The following SCAMP5 variants were observed in gnomAD, a reference collection of about 807,000 sequenced individuals.
SCAMP5 encodes the protein secretory carrier-associated membrane protein 5.
Under a neutral mutation model 28.3 loss-of-function variants are expected in SCAMP5, and 7 were observed. That is an observed-to-expected ratio of 0.25 (90% CI 0.14 to 0.46). The LOEUF is 0.46. Ranked by LOEUF, SCAMP5 falls within the 20% of genes least tolerant of loss-of-function variation. SCAMP5 has a pLI of 0.99. For missense variants in SCAMP5, 192 were observed against 312.5 expected, an observed-to-expected ratio of 0.61 and a Z score of 2.91; for synonymous variants, 117 against 116.4, an observed-to-expected ratio of 1.00 and a Z score of -0.03.
intron 1 of SCAMP5, among the ~76,000 whole-genome samples, chr15:74,998,884 A>G (rs1369356148): frequency 6.6e-6 from 1 of 152,134 alleles, no homozygotes; most frequent in African/African-American, 2.4e-5. Flanking sequence ...CTGTAAGCAG[A>G]CTTTTGGGAG....
At chr15:75,002,394 A>T (rs1171323335) in intron 1 of SCAMP5, among the ~76,000 whole-genome samples, 1 of 151,914 alleles carries the variant, frequency 6.6e-6, no homozygotes, top group African/African-American at 2.4e-5. Context: ...ATTTCCACCT[A>T]AAATGACCCC....
intron 3 of SCAMP5, among the ~76,000 whole-genome samples, chr15:75,014,127 A>G (rs2065839024): frequency 6.6e-6 from 1 of 152,208 alleles, no homozygotes; most frequent in Admixed American, 6.5e-5. Context: ...GCCCTGAGTG[A>G]GGCCTGCACT....
At chr15:75,001,785 G>A (rs936978545) in intron 1 of SCAMP5, among the ~76,000 whole-genome samples, 1 of 147,388 alleles carries the variant, frequency 6.8e-6, no homozygotes, top group African/African-American at 2.5e-5. Flanking sequence ...CAGGAGAATC[G>A]CTTGAACCCA....
intron 3 of SCAMP5, among the ~76,000 whole-genome samples, chr15:75,014,788 G>A (rs1408112625): frequency 6.6e-6 from 1 of 152,204 alleles, no homozygotes; most frequent in Non-Finnish European, 1.5e-5. Flanking sequence ...AATAATTGCA[G>A]CAGAGGTGTT....
At chr15:75,001,899 G>C (rs1052714149) in intron 1 of SCAMP5, among the ~76,000 whole-genome samples, 1 of 75,702 alleles carries the variant, frequency 1.3e-5, no homozygotes, top group South Asian at 3.8e-4. Flanking sequence ...AAAAAAAAAA[G>C]AGACTAACCT....
Position 75,011,784 on chromosome 15 carries a change from C to T in SCAMP5, c.-48-8C>T. On this transcript the variant is annotated splice_polypyrimidine_tract_variant and splice_region_variant and intron_variant, in intron 1 of 6. Coordinates refer to ENST00000425597, the MANE Select transcript of SCAMP5 (RefSeq NM_138967.4). ...TCTCATCCTTCTCTGGCTTTTCTTT[C>T]CTTGCAGTTCAGGACAAAGAGGTGT... 10 of 1,563,804 alleles carry T rather than the reference C, an allele frequency of 6.4e-6. No individual in the cohort carries two copies. Among genetic ancestry groups the T allele is most frequent in the South Asian group, 2.2e-5 (2 of 89,418 alleles).
chr15:75,005,039 G>A (rs777057319), intron 1 of SCAMP5, among the ~76,000 whole-genome samples: 2 of 152,050 alleles, frequency 1.3e-5, no homozygotes, highest in Non-Finnish European at 2.9e-5. Context: ...GCTGGGTGTG[G>A]TGGCGTGCGC....
chr15:75,003,827 A>G (rs1190145703), intron 1 of SCAMP5, among the ~76,000 whole-genome samples: 1 of 152,106 alleles, frequency 6.6e-6, no homozygotes, highest in African/African-American at 2.4e-5. Context: ...TAAATAAATA[A>G]AATAATGCAG....
intron 3 of SCAMP5, among the ~76,000 whole-genome samples, chr15:75,015,345 T>G (rs541339425): frequency 6.6e-6 from 1 of 152,080 alleles, no homozygotes; most frequent in East Asian, 1.9e-4. Context: ...CAGACCCGCA[T>G]GTGTGTTAGT....
rs1427899658 is a variant in SCAMP5 at position 74,995,630 on chromosome 15, C to G, written c.-92C>G. ...CGCATCGCTCGGGTGCAGCGCAGCT[C>G]AGCGCAGCGCTGCGGCCTTTCGGCA... On this transcript the variant is annotated 5_prime_UTR_variant, in exon 1 of 7. Coordinates refer to ENST00000425597, the MANE Select transcript of SCAMP5 (RefSeq NM_138967.4). 2.0e-5 allele frequency: 3 copies of G among 147,860 alleles called. No homozygotes were observed. Among genetic ancestry groups the G allele is most frequent in the Admixed American group, 6.7e-5 (1 of 14,874 alleles). 9.2% of individuals were successfully genotyped at this position (147,860 alleles called of 1,614,324 possible).
chr15:75,016,309 C>T (rs4886414), intron 3 of SCAMP5, among the ~76,000 whole-genome samples: 80,025 of 151,944 alleles, frequency 0.53, 25,908 homozygotes, highest in Non-Finnish European at 0.74. Flanking sequence ...GGGGTTGGTT[C>T]GAGCTCCCAG....
At chr15:74,998,907 C>G (rs2065677114) in intron 1 of SCAMP5, among the ~76,000 whole-genome samples, 1 of 152,146 alleles carries the variant, frequency 6.6e-6, no homozygotes, top group African/African-American at 2.4e-5. Flanking sequence ...TGTCTGGGAC[C>G]AGGGACAGGG....
At chr15:75,008,950 G>T (rs2065786418) in intron 1 of SCAMP5, among the ~76,000 whole-genome samples, 1 of 152,166 alleles carries the variant, frequency 6.6e-6, no homozygotes, top group Non-Finnish European at 1.5e-5. Flanking sequence ...CTGGGTAAAT[G>T]ACTAACAGGA....
At chr15:74,998,221 G>C (rs1015169097) in intron 1 of SCAMP5, among the ~76,000 whole-genome samples, 1 of 152,208 alleles carries the variant, frequency 6.6e-6, no homozygotes. Context: ...GTTTCCCTAG[G>C]CCTACATCTT....
At chr15:75,012,544 G>A (rs868676908) in intron 2 of SCAMP5, 133 bp from the exon 3 acceptor site, 6 of 1,020,064 alleles carry the variant, frequency 5.9e-6, no homozygotes, top group Admixed American at 2.0e-5. Flanking sequence ...AGGTAGGGAC[G>A]GCTGGGTGGG....
chr15:75,004,365 G>T (rs896817721), intron 1 of SCAMP5, among the ~76,000 whole-genome samples: 1 of 151,992 alleles, frequency 6.6e-6, no homozygotes, highest in Non-Finnish European at 1.5e-5. Flanking sequence ...AAATTTTTTC[G>T]CAGAACCGTT....
intron 1 of SCAMP5, among the ~76,000 whole-genome samples, chr15:75,010,965 G>A (rs948027321): frequency 7.2e-5 from 11 of 152,178 alleles, no homozygotes; most frequent in African/African-American, 2.7e-4. Flanking sequence ...ACCACTTTGG[G>A]AGGCTGAAGC....
In SCAMP5 at chr15:75,018,564, T is replaced by C; in HGVS notation, c.513+29T>C. 6.7e-7 allele frequency: 1 copy of C among 1,494,544 alleles called. No homozygotes were observed. The highest frequency in any genetic ancestry group is 2.3e-5 in the East Asian group (1 of 44,218). The allele number at this position is 1,494,544 out of a possible 1,614,324, so 92.6% of individuals were successfully genotyped here. ...CGTGGTCCCCTCAAGGGTGAGAAGG[T>C]GGCTTTGGGAAGGGGCCATGTTCTG... On this transcript the variant is annotated intron_variant, in intron 6 of 6. Coordinates refer to ENST00000425597, the MANE Select transcript of SCAMP5 (RefSeq NM_138967.4). This position sits in a 1 kb window ranked among gnomAD's most constrained non-coding sequence, Gnocchi z 5.6.
rs1340846014 is a variant in SCAMP5, at chr15:74,996,852, CAA to C, written c.-49+1181_-49+1182del. ...GTTCTGGGCTTGGTGAGCCTTAGGG[CAA>C]AGTCTCTAGAGCTGAGAGGGGGCTG... On this transcript the variant is annotated intron_variant, in intron 1 of 6. Transcript: ENST00000425597. This position sits in a 1 kb window ranked among gnomAD's most constrained non-coding sequence, Gnocchi z 4.1. Among the ~76,000 whole-genome samples, 2 of 152,044 alleles carry C rather than the reference CAA, an allele frequency of 1.3e-5. No individual in the cohort carries two copies. The highest frequency in any genetic ancestry group is 2.9e-5 in the Non-Finnish European group (2 of 68,026).
Sources: allele counts gnomAD v4.1 joint callset (sites outside exome capture counted in the v4.1 genomes callset), GRCh38; gene constraint gnomAD v4.1.1; non-coding constraint Gnocchi (gnomAD v3.1); transcripts MANE v1.5; gene names NCBI Gene and HGNC (gene_info 2026-07-23, HGNC 2026-07-21).